Variants in PTPRM observed in about 807,000 individuals in gnomAD.
The protein encoded by PTPRM is receptor-type tyrosine-protein phosphatase mu.
In PTPRM, 47 loss-of-function variants were observed where a neutral mutation model predicts 186.7. The observed-to-expected ratio is 0.25, with a 90% CI of 0.20 to 0.32. The LOEUF (loss-of-function observed/expected upper bound fraction) is 0.32. Ranked by LOEUF, PTPRM falls within the 10% of genes least tolerant of loss-of-function variation. The probability of loss-of-function intolerance (pLI) is 1.00; values close to 1 mark genes in which losing one functional copy is unlikely to be tolerated. For missense variants in PTPRM, 1,494 were observed against 1,865.0 expected (o/e 0.80, Z 3.66); for synonymous variants, 668 against 674.9 (o/e 0.99, Z 0.16).
Position 7,752,849 on chromosome 18 carries a change from G to A in PTPRM, c.74-21300G>A, listed in dbSNP as rs1013290223. 2.6e-5 allele frequency among the ~76,000 whole-genome samples: 4 copies of A among 152,120 alleles called. No individual in the cohort carries two copies. The South Asian group carries it at 6.2e-4, about 24-fold the overall frequency. On this transcript the variant is annotated intron_variant, in intron 1 of 32. Transcript: ENST00000580170. ...TTTTGGCCTTTTAGTTAGGCACTTG[G>A]CAATGAATGTGTTTTCTAAGTTTAT...
chr18:8,252,385 G>A, intron 17 of PTPRM, 103 bp from the exon 18 acceptor site: 1 of 983,226 alleles, frequency 1.0e-6, no homozygotes, highest in South Asian at 1.3e-5. Context: ...GAAAGTTAAA[G>A]CATAAAATAA....
At position 7,957,330 on chromosome 18, in the gene PTPRM, T is replaced by A. The variant is rs1208214056; in HGVS notation, c.1132+1916T>A. Among the ~76,000 whole-genome samples the A allele has an allele frequency of 2.0e-5, 3 of 152,232 alleles. No homozygotes were observed. The East Asian group carries it at 5.8e-4, about 29-fold the overall frequency. ...TGCTGCTGCATAATGTGTAAATGGA[T>A]AATGCTCAAAGAGACAAATTACCTT... is the stretch of plus-strand genomic sequence containing the variant. On this transcript the variant is annotated intron_variant, in intron 7 of 32. Coordinates refer to ENST00000580170, the MANE Select transcript of PTPRM (RefSeq NM_001105244.2).
intron 1 of PTPRM, among the ~76,000 whole-genome samples, chr18:7,617,486 T>C (rs2037833922): frequency 6.6e-6 from 1 of 152,190 alleles, no homozygotes; most frequent in South Asian, 2.1e-4. Context: ...TTTCTTTTAT[T>C]TCCCTGGAGC....
chr18:7,615,618 C>T (rs1443947875), intron 1 of PTPRM, among the ~76,000 whole-genome samples: 1 of 152,098 alleles, frequency 6.6e-6, no homozygotes, highest in African/African-American at 2.4e-5. Context: ...AGAAGTCCTC[C>T]CCTCCCTTCC....
intron 9 of PTPRM, among the ~76,000 whole-genome samples, chr18:8,085,184 A>G (rs1341438611): frequency 6.6e-6 from 1 of 152,082 alleles, no homozygotes; most frequent in Non-Finnish European, 1.5e-5. Context: ...GAATCTGTCT[A>G]GGATTCCAGT....
chr18:7,728,209 G>A (rs948482534), intron 1 of PTPRM, among the ~76,000 whole-genome samples: 1 of 152,150 alleles, frequency 6.6e-6, no homozygotes, highest in Non-Finnish European at 1.5e-5. Context: ...TTCTGGTTTT[G>A]TATAATGATT....
At chr18:7,674,469 G>A (rs1334593293) in intron 1 of PTPRM, among the ~76,000 whole-genome samples, 2 of 152,176 alleles carry the variant, frequency 1.3e-5, no homozygotes, top group Non-Finnish European at 2.9e-5. Context: ...GGGGAAGCAT[G>A]TTGGGAGGAA....
chr18:8,080,656 C>T lies in PTPRM; in HGVS notation c.1551+4092C>T, dbSNP rs559028092. Among the ~76,000 whole-genome samples the T allele has an allele frequency of 6.6e-5, 10 of 152,208 alleles. No homozygotes were observed. In the South Asian group the frequency reaches 2.1e-3, roughly 32 times the overall value. Reference sequence around the variant, plus strand: ...GCCTGGATAACTGGGCTGTTAGTCACCATCAGCTGAGATAGGTGGTTATGT... The same window carrying T: ...GCCTGGATAACTGGGCTGTTAGTCATCATCAGCTGAGATAGGTGGTTATGT... On this transcript the variant is annotated intron_variant, in intron 9 of 32. Coordinates refer to ENST00000580170, the MANE Select transcript of PTPRM (RefSeq NM_001105244.2).
chr18:8,037,046 C>A (rs1478053098), intron 7 of PTPRM, among the ~76,000 whole-genome samples: 2 of 152,146 alleles, frequency 1.3e-5, no homozygotes, highest in Non-Finnish European at 2.9e-5. Context: ...GCAAATGAGT[C>A]TCTCAGCCAG....
At chr18:8,272,816 A>G (rs1168760190) in intron 19 of PTPRM, among the ~76,000 whole-genome samples, 1 of 152,086 alleles carries the variant, frequency 6.6e-6, no homozygotes, top group African/African-American at 2.4e-5. Context: ...TGTATACTTA[A>G]TTTTTGTCTA....
At chr18:8,327,298 T>C (rs1331630702) in intron 22 of PTPRM, among the ~76,000 whole-genome samples, 4 of 152,202 alleles carry the variant, frequency 2.6e-5, no homozygotes, top group Admixed American at 2.0e-4. Context: ...GAAACTGATA[T>C]GGAGAACCAG....
chr18:7,609,120 T>G (rs1320738813), intron 1 of PTPRM, among the ~76,000 whole-genome samples: 2 of 152,236 alleles, frequency 1.3e-5, no homozygotes, highest in Admixed American at 6.5e-5. Context: ...TAGTGTATAC[T>G]TTCTAGCTAA....
chr18:8,131,253 AG>A (rs1310040057), intron 13 of PTPRM, among the ~76,000 whole-genome samples: 1 of 152,182 alleles, frequency 6.6e-6, no homozygotes, highest in Non-Finnish European at 1.5e-5. Flanking sequence ...GAAGCAAGAG[AG>A]GGACATTATT....
intron 14 of PTPRM, among the ~76,000 whole-genome samples, chr18:8,219,536 C>G (rs2094130869): frequency 1.3e-5 from 2 of 151,868 alleles, no homozygotes; most frequent in Admixed American, 6.6e-5. Context: ...CTTAAGAGAT[C>G]CTGACAAAGT....
At chr18:7,656,574 T>C (rs2038854369) in intron 1 of PTPRM, among the ~76,000 whole-genome samples, 1 of 152,116 alleles carries the variant, frequency 6.6e-6, no homozygotes, top group African/African-American at 2.4e-5. Context: ...TCCTATAATT[T>C]AAAGAAGAAA....
intron 6 of PTPRM, among the ~76,000 whole-genome samples, chr18:7,951,128 A>G (rs1457871030): frequency 6.6e-6 from 1 of 152,188 alleles, no homozygotes; most frequent in Non-Finnish European, 1.5e-5. Context: ...CCAGCCTAAT[A>G]TTTAGGTTTA....
intron 1 of PTPRM, among the ~76,000 whole-genome samples, chr18:7,698,904 T>C (rs560968660): frequency 2.8e-4 from 43 of 152,290 alleles, no homozygotes; most frequent in African/African-American, 8.2e-4. Context: ...TATTCAAGTA[T>C]TTTTTGCATA....
intron 19 of PTPRM, among the ~76,000 whole-genome samples, chr18:8,292,309 AAAC>A (rs2095051379): frequency 3.3e-5 from 5 of 152,240 alleles, no homozygotes; most frequent in Admixed American, 2.0e-4. Context: ...CTTAGGAAAA[AAAC>A]ATTTTTAATC....
At chr18:7,589,546 C>T (rs1321434134) in intron 1 of PTPRM, among the ~76,000 whole-genome samples, 1 of 152,082 alleles carries the variant, frequency 6.6e-6, no homozygotes, top group African/African-American at 2.4e-5. Flanking sequence ...TGACATCCTC[C>T]CCTGCAACTC....
Sources: allele counts gnomAD v4.1 joint callset (sites outside exome capture counted in the v4.1 genomes callset), GRCh38; gene constraint gnomAD v4.1.1; transcripts MANE v1.5; gene names NCBI Gene and HGNC (gene_info 2026-07-23, HGNC 2026-07-21).